The following SMURF2 variants were observed in gnomAD, a reference collection of about 807,000 sequenced individuals.
SMURF2 encodes SMAD specific E3 ubiquitin protein ligase 2.
In SMURF2, 48 loss-of-function variants were observed where a neutral mutation model predicts 109.6. That is an observed-to-expected ratio of 0.44 (90% confidence interval 0.35 to 0.56). The LOEUF (loss-of-function observed/expected upper bound fraction) is 0.56, where lower values mean the gene tolerates loss of function less well. Ranked by LOEUF, SMURF2 falls within the 20% of genes least tolerant of loss-of-function variation. The probability of loss-of-function intolerance (pLI) is 0.01; values close to 1 mark genes in which losing one functional copy is unlikely to be tolerated. For synonymous variants in SMURF2, 288 were observed against 317.1 expected (o/e 0.91, Z 0.97); for missense variants, 575 against 909.0 (o/e 0.63, Z 4.72).
At chr17:64,642,714 G>T (rs1970507220) in intron 1 of SMURF2, among the ~76,000 whole-genome samples, 1 of 152,180 alleles carries the variant, frequency 6.6e-6, no homozygotes, top group South Asian at 2.1e-4. Context: ...ATATTAGTAT[G>T]AATGAGTCTA....
At chr17:64,622,038 T>A (rs2144697028) in intron 1 of SMURF2, among the ~76,000 whole-genome samples, 1 of 147,754 alleles carries the variant, frequency 6.8e-6, no homozygotes, top group Non-Finnish European at 1.5e-5. Context: ...CCAGCCTGGG[T>A]GGCAGAGTGA....
intron 15 of SMURF2, among the ~76,000 whole-genome samples, chr17:64,554,375 C>A (rs1008934982): frequency 5.9e-5 from 9 of 152,290 alleles, no homozygotes; most frequent in Non-Finnish European, 1.2e-4. Flanking sequence ...GCTGGCCACC[C>A]CATAAGAAGT....
rs377591815 is a variant in SMURF2 at position 64,654,157 on chromosome 17, T to G, written c.52+7672A>C. On this transcript the variant is annotated intron_variant, in intron 1 of 18. Coordinates refer to ENST00000262435, the MANE Select transcript of SMURF2 (RefSeq NM_022739.4). ...AAGAAATGGGAAGAACATTGCATGA[T>G]TGCAATCATCCACGTGGTAATTCCT... Among the ~76,000 whole-genome samples the G allele has an allele frequency of 1.6e-4, 24 of 152,286 alleles. 1 individual carries two copies. The highest frequency in any genetic ancestry group is 5.5e-4 in the African/African-American group (23 of 41,568).
At chr17:64,648,021 C>A (rs1212393631) in intron 1 of SMURF2, among the ~76,000 whole-genome samples, 1 of 124,900 alleles carries the variant, frequency 8.0e-6, no homozygotes, top group Non-Finnish European at 1.6e-5. Context: ...CATGCCACTG[C>A]ACTCCAGCCT....
At chr17:64,596,578 G>A (rs1367063651) in intron 3 of SMURF2, among the ~76,000 whole-genome samples, 1 of 56,044 alleles carries the variant, frequency 1.8e-5, no homozygotes, top group African/African-American at 7.8e-5. Flanking sequence ...CGAAACAGGA[G>A]AGTAAACAAA....
intron 1 of SMURF2, among the ~76,000 whole-genome samples, chr17:64,642,913 G>C (rs1970510089): frequency 6.6e-6 from 1 of 152,054 alleles, no homozygotes; most frequent in Non-Finnish European, 1.5e-5. Flanking sequence ...TCCCACCTCA[G>C]CCTCCCTGGT....
intron 12 of SMURF2, chr17:64,561,087 CAT>C (rs1555684475): frequency 6.3e-6 from 1 of 158,906 alleles, no homozygotes; most frequent in Non-Finnish European, 1.4e-5. Context: ...ATGATATGTA[CAT>C]GTGTATACAC....
chr17:64,603,945 G>A (rs1444456310), intron 2 of SMURF2, among the ~76,000 whole-genome samples: 1 of 151,996 alleles, frequency 6.6e-6, no homozygotes, highest in Non-Finnish European at 1.5e-5. Context: ...ATTAAAATTT[G>A]CTTTTCTCAT....
At chr17:64,657,475 T>G (rs1416058810) in intron 1 of SMURF2, among the ~76,000 whole-genome samples, 1 of 151,158 alleles carries the variant, frequency 6.6e-6, no homozygotes. Flanking sequence ...GAGGATCTCC[T>G]GAGCACAGAA....
rs977330255 is a variant in SMURF2 at position 64,662,025 on chromosome 17, G to A, written c.-145C>T. 4.0e-4 allele frequency: 451 copies of A among 1,116,120 alleles called. No individual in the cohort carries two copies. The highest frequency in any genetic ancestry group is 4.8e-4 in the Non-Finnish European group (443 of 914,186). The allele number at this position is 1,116,120 out of a possible 1,614,324, so 69.1% of individuals were successfully genotyped here. On this transcript the variant is annotated 5_prime_UTR_variant, in exon 1 of 19. Coordinates refer to ENST00000262435, the MANE Select transcript of SMURF2 (RefSeq NM_022739.4). The stretch of plus-strand genomic sequence containing the variant: ...CCGGAGGGTCCCGGATGTGCCGAGA[G>A]TCGTCGCCATGAGCCGCGGAGGGAG...
At chr17:64,648,812 A>G (rs1233149883) in intron 1 of SMURF2, among the ~76,000 whole-genome samples, 1 of 152,142 alleles carries the variant, frequency 6.6e-6, no homozygotes, top group Non-Finnish European at 1.5e-5. Context: ...TTGAAGTACT[A>G]CATATGCAGC....
intron 14 of SMURF2, among the ~76,000 whole-genome samples, chr17:64,555,413 C>G (rs953129385): frequency 2.6e-5 from 4 of 152,172 alleles, no homozygotes; most frequent in Non-Finnish European, 4.4e-5. Context: ...TCTTGCAAAA[C>G]AGAATCAGTT....
In SMURF2 at chr17:64,583,498, G is replaced by A; in HGVS notation, c.532C>T (p.His178Tyr). ...TCCCATTGCGTAGTTCTTGTTATAT[G>A]GTTTAGATACTGGATTCTTCCAGAG... ...TASGRIQYLN[H>Y]ITRTTQWERP... The change falls in exon 7 of 19, where the codon CAT becomes TAT. Residue 178 changes from histidine (H) to tyrosine (Y), a missense_variant. Coordinates refer to ENST00000262435, the MANE Select transcript of SMURF2 (RefSeq NM_022739.4). 1 of 1,613,976 alleles carries A rather than the reference G, an allele frequency of 6.2e-7. No individual in the cohort carries two copies. Among genetic ancestry groups the A allele is most frequent in the Non-Finnish European group, 8.5e-7 (1 of 1,179,918 alleles).
chr17:64,621,408 C>T (rs1267895722), intron 1 of SMURF2, among the ~76,000 whole-genome samples: 1 of 151,458 alleles, frequency 6.6e-6, no homozygotes, highest in African/African-American at 2.4e-5. Context: ...GGCAAAATCC[C>T]GTCTCTACTA....
chr17:64,610,510 G>C (rs1409175489), intron 1 of SMURF2, among the ~76,000 whole-genome samples: 2 of 152,122 alleles, frequency 1.3e-5, no homozygotes, highest in Non-Finnish European at 2.9e-5. Context: ...CACAAGAACA[G>C]AAAACCAAAC....
intron 1 of SMURF2, among the ~76,000 whole-genome samples, chr17:64,659,273 T>G (rs1376973466): frequency 1.3e-5 from 2 of 152,212 alleles, no homozygotes; most frequent in Admixed American, 6.5e-5. Context: ...TACAGCATCT[T>G]GAAATCAAAG....
intron 13 of SMURF2, among the ~76,000 whole-genome samples, chr17:64,557,021 A>G (rs1946390933): frequency 6.6e-6 from 1 of 152,216 alleles, no homozygotes. Context: ...GTGGCTGTAT[A>G]GTATGCCCTT....
chr17:64,642,269 T>C (rs1970501635), intron 1 of SMURF2, among the ~76,000 whole-genome samples: 1 of 152,208 alleles, frequency 6.6e-6, no homozygotes, highest in South Asian at 2.1e-4. Context: ...CTATGTAATA[T>C]TACTGTAACT....
At chr17:64,643,619 C>A (rs1970519445) in intron 1 of SMURF2, among the ~76,000 whole-genome samples, 1 of 152,218 alleles carries the variant, frequency 6.6e-6, no homozygotes, top group African/African-American at 2.4e-5. Flanking sequence ...AACTTCCTAT[C>A]ATTGCTAGTC....
Sources: allele counts gnomAD v4.1 joint callset (sites outside exome capture counted in the v4.1 genomes callset), GRCh38; gene constraint gnomAD v4.1.1; transcripts MANE v1.5; gene names NCBI Gene and HGNC (gene_info 2026-07-23, HGNC 2026-07-21).